The following WWOX variants were observed in gnomAD, a reference collection of about 807,000 sequenced individuals.
WWOX encodes WW domain containing oxidoreductase.
In WWOX, 69 loss-of-function variants were observed where a neutral mutation model predicts 46.2. That is an observed-to-expected ratio of 1.49 (90% CI 1.23 to 1.82). The LOEUF (loss-of-function observed/expected upper bound fraction) is 1.82. Ranked by LOEUF, WWOX falls within the 40% of genes most tolerant of loss-of-function variation. WWOX has a pLI of 0.00. For missense variants in WWOX, 919 were observed against 542.6 expected, an observed-to-expected ratio of 1.69 and a Z score of -6.89; for synonymous variants, 359 against 202.6, an observed-to-expected ratio of 1.77 and a Z score of -6.56.
At chr16:78,549,838 G>A (rs1267856720) in intron 8 of WWOX, among the ~76,000 whole-genome samples, 1 of 152,106 alleles carries the variant, frequency 6.6e-6, no homozygotes, top group Non-Finnish European at 1.5e-5. Context: ...GGTGTATGTA[G>A]GGCAGGAACC....
intron 8 of WWOX, among the ~76,000 whole-genome samples, chr16:78,893,229 C>G (rs1343652778): frequency 6.6e-6 from 1 of 152,004 alleles, no homozygotes; most frequent in Non-Finnish European, 1.5e-5. Context: ...TCTTGACCAT[C>G]TTATGCCTGA....
At chr16:79,116,079 C>G (rs1056567086) in intron 8 of WWOX, among the ~76,000 whole-genome samples, 1 of 152,146 alleles carries the variant, frequency 6.6e-6, no homozygotes, top group East Asian at 1.9e-4. Context: ...AATGTACATA[C>G]CTTAATTTTA....
intron 8 of WWOX, among the ~76,000 whole-genome samples, chr16:78,921,068 T>G (rs2045367060): frequency 6.6e-6 from 1 of 152,160 alleles, no homozygotes; most frequent in East Asian, 1.9e-4. Context: ...GATTTTGTGC[T>G]TATCTCTACA....
intron 6 of WWOX, among the ~76,000 whole-genome samples, chr16:78,390,463 G>C (rs1258752866): frequency 6.6e-6 from 1 of 152,200 alleles, no homozygotes; most frequent in East Asian, 1.9e-4. Context: ...CTTCTAGGTT[G>C]AGAAACAAGG....
At chr16:79,173,682 G>A (rs979978568) in intron 8 of WWOX, among the ~76,000 whole-genome samples, 1 of 150,096 alleles carries the variant, frequency 6.7e-6, no homozygotes, top group African/African-American at 2.4e-5. Context: ...GAATCAACCT[G>A]AAGGTTCAAC....
intron 8 of WWOX, among the ~76,000 whole-genome samples, chr16:78,982,593 G>A (rs2046704448): frequency 6.6e-6 from 1 of 152,164 alleles, no homozygotes; most frequent in South Asian, 2.1e-4. Context: ...CGCTGCTATT[G>A]TATGCTCTAT....
intron 7 of WWOX, among the ~76,000 whole-genome samples, chr16:78,427,195 T>A (rs1480618073): frequency 6.6e-6 from 1 of 152,168 alleles, no homozygotes; most frequent in Non-Finnish European, 1.5e-5. Flanking sequence ...AATCTCTTCG[T>A]TGGAGTTAAG....
chr16:78,611,195 G>A (rs1368795274), intron 8 of WWOX, among the ~76,000 whole-genome samples: 1 of 152,172 alleles, frequency 6.6e-6, no homozygotes, highest in Non-Finnish European at 1.5e-5. Context: ...TTGGACAAGG[G>A]AGTAATTTGT....
At chr16:78,173,475 T>A (rs1016601888) in intron 5 of WWOX, among the ~76,000 whole-genome samples, 6 of 144,452 alleles carry the variant, frequency 4.2e-5, no homozygotes, top group East Asian at 2.1e-4. Flanking sequence ...TTTTTTTTTT[T>A]AATGTAGAGG....
rs145376411 is a variant in WWOX at position 79,032,691 on chromosome 16, C to T, written c.1057-178917C>T. On this transcript the variant is annotated intron_variant, in intron 8 of 8. Coordinates refer to ENST00000566780, the MANE Select transcript of WWOX (RefSeq NM_016373.4). ...GTATATATATATATATACACACACA[C>T]ACACACATTTCAACTTTCTTGAACT... Among the ~76,000 whole-genome samples, 486 of 150,970 alleles carry T rather than the reference C, an allele frequency of 3.2e-3. 8 individuals carry two copies. The highest frequency in any genetic ancestry group is 0.011 in the African/African-American group (456 of 41,212).
intron 8 of WWOX, among the ~76,000 whole-genome samples, chr16:78,659,892 C>G (rs1346525231): frequency 1.3e-5 from 2 of 152,192 alleles, no homozygotes; most frequent in Non-Finnish European, 2.9e-5. Context: ...CCAGGCTCAA[C>G]TATCAGCCGC....
intron 4 of WWOX, among the ~76,000 whole-genome samples, chr16:78,118,049 T>C (rs75969810): frequency 0.04 from 6,111 of 150,918 alleles, 174 homozygotes; most frequent in Non-Finnish European, 0.059. Flanking sequence ...TTCTTTCTTT[T>C]TTTTTTTTAA....
intron 8 of WWOX, 99 bp downstream of exon 8, chr16:78,432,851 T>A: frequency 6.4e-7 from 1 of 1,563,210 alleles, no homozygotes; most frequent in Admixed American, 1.7e-5. Flanking sequence ...ATGAGTCTGG[T>A]CTCAGTAATA....
At chr16:79,092,886 A>G (rs561558011) in intron 8 of WWOX, among the ~76,000 whole-genome samples, 46 of 152,216 alleles carry the variant, frequency 3.0e-4, no homozygotes, top group African/African-American at 1.1e-3. Context: ...TGGAGTTTGG[A>G]TTTCAACTAG....
chr16:79,173,465 C>T (rs1201912356), intron 8 of WWOX, among the ~76,000 whole-genome samples: 1 of 152,196 alleles, frequency 6.6e-6, no homozygotes, highest in Non-Finnish European at 1.5e-5. Context: ...ACCAGAAGCT[C>T]ACTGTGGTTC....
At chr16:79,007,276 C>T (rs997227829) in intron 8 of WWOX, among the ~76,000 whole-genome samples, 4 of 152,088 alleles carry the variant, frequency 2.6e-5, no homozygotes, top group Admixed American at 1.3e-4. Context: ...AAGGGAGGGA[C>T]TTACATAAAT....
At chr16:78,197,949 T>G (rs1260970542) in intron 5 of WWOX, among the ~76,000 whole-genome samples, 1 of 152,192 alleles carries the variant, frequency 6.6e-6, no homozygotes, top group African/African-American at 2.4e-5. Context: ...TTCTTTTATT[T>G]TTTTTTTAAA....
intron 7 of WWOX, among the ~76,000 whole-genome samples, chr16:78,425,593 C>A (rs74028195): frequency 2.2e-4 from 33 of 152,236 alleles, no homozygotes; most frequent in South Asian, 2.1e-4. Flanking sequence ...TCAGATGGCA[C>A]TTTTTTCCTA....
chr16:78,199,343 A>C (rs2036158893), intron 5 of WWOX, among the ~76,000 whole-genome samples: 1 of 146,896 alleles, frequency 6.8e-6, no homozygotes. Flanking sequence ...AAACAAACAA[A>C]CTAAGAACAA....
Sources: allele counts gnomAD v4.1 joint callset (sites outside exome capture counted in the v4.1 genomes callset), GRCh38; gene constraint gnomAD v4.1.1; transcripts MANE v1.5; gene names NCBI Gene and HGNC (gene_info 2026-07-23, HGNC 2026-07-21).